The following MAP3K1 variants were observed in gnomAD, a reference collection of about 807,000 sequenced individuals.
The protein encoded by MAP3K1 is MAP/ERK kinase kinase 1.
MAP3K1 carries 36 observed loss-of-function variants against 144.2 expected under a neutral mutation model. The ratio of observed to expected loss-of-function variants is 0.25; its 90% CI spans 0.19 to 0.33. The LOEUF (loss-of-function observed/expected upper bound fraction) is 0.33. MAP3K1 is among the 10% of genes least tolerant of loss of function. The pLI, the probability that MAP3K1 is intolerant of heterozygous loss-of-function variation, is 1.00. For missense variants in MAP3K1, 1,650 were observed against 1,881.9 expected, an observed-to-expected ratio of 0.88 and a Z score of 2.28; for synonymous variants, 718 against 688.7, an observed-to-expected ratio of 1.04 and a Z score of -0.67.
Position 56,815,628 on chromosome 5 carries a change from G to C in MAP3K1, c.55G>C (p.Ala19Pro). The C allele has an allele frequency of 4.5e-6, 6 of 1,323,040 alleles. No individual in the cohort carries two copies. The highest frequency in any genetic ancestry group is 5.8e-6 in the Non-Finnish European group (6 of 1,037,410). The allele number at this position is 1,323,040 out of a possible 1,614,324, so 82.0% of individuals were successfully genotyped here. ...GTCGTCGGGATTCCCGGGCGCCAGGGCTACGAGCCCTGAGGCAGGCGGCGG... is the reference window on the plus strand; with the variant it reads ...GTCGTCGGGATTCCCGGGCGCCAGGCCTACGAGCCCTGAGGCAGGCGGCGG... ...ASSSGFPGAR[A>P]TSPEAGGGGG... Residue 19 changes from alanine to proline, a missense_variant, in exon 1 of 20, where the codon GCT becomes CCT. Physicochemically the swap from Ala to Pro is conservative, Grantham distance 27. Transcript: ENST00000399503.
chr5:56,818,543 A>AT (rs953101818), intron 1 of MAP3K1, among the ~76,000 whole-genome samples: 7 of 152,116 alleles, frequency 4.6e-5, no homozygotes, highest in African/African-American at 1.7e-4. Flanking sequence ...TAAATAGAAG[A>AT]TTTTAAGTTT....
chr5:56,856,857 A>G, intron 2 of MAP3K1, 107 bp downstream of exon 2: 1 of 1,219,342 alleles, frequency 8.2e-7, no homozygotes, highest in African/African-American at 1.5e-5. Flanking sequence ...TTTTAAATGT[A>G]GTAGTTTTCT....
Position 56,816,838 on chromosome 5 carries a change from C to T in MAP3K1, c.482+783C>T, listed in dbSNP as rs542996549. ...GAATGCGAACTGCACTGCTAAGTCA[C>T]TTGAGTGACTTCTGTTTGGAGTTTG... On this transcript the variant is annotated intron_variant, in intron 1 of 19. Coordinates refer to ENST00000399503, the MANE Select transcript of MAP3K1 (RefSeq NM_005921.2). 3.9e-5 allele frequency among the ~76,000 whole-genome samples: 6 copies of T among 152,352 alleles called. No individual in the cohort carries two copies. In the South Asian group the frequency reaches 1.2e-3, roughly 32 times the overall value.
At chr5:56,878,414 A>G (rs1378962896) in intron 10 of MAP3K1, among the ~76,000 whole-genome samples, 3 of 152,192 alleles carry the variant, frequency 2.0e-5, no homozygotes, top group Non-Finnish European at 2.9e-5. Context: ...ACAAACCTGC[A>G]CGTTCTGCAC....
At chr5:56,842,179 A>G (rs897516872) in intron 1 of MAP3K1, 3 of 152,228 alleles carry the variant, frequency 2.0e-5, no homozygotes, top group African/African-American at 7.2e-5. Flanking sequence ...AGCAGTCTTC[A>G]TATTCTAGAT....
chr5:56,883,476 C>T, intron 14 of MAP3K1, 51 bp from the exon 15 acceptor site: 1 of 1,579,822 alleles, frequency 6.3e-7, no homozygotes, highest in Non-Finnish European at 8.7e-7. Context: ...ACTAATTTCA[C>T]AAAATCTTAC....
intron 10 of MAP3K1, among the ~76,000 whole-genome samples, chr5:56,875,670 C>A (rs1288967717): frequency 6.6e-6 from 1 of 152,068 alleles, no homozygotes; most frequent in African/African-American, 2.4e-5. Flanking sequence ...AGACTAAAAA[C>A]CATGGCTTCA....
At chr5:56,844,027 C>T (rs1009930551) in intron 1 of MAP3K1, among the ~76,000 whole-genome samples, 3 of 152,066 alleles carry the variant, frequency 2.0e-5, no homozygotes, top group Non-Finnish European at 4.4e-5. Context: ...ATGCTACATA[C>T]CTTCTTTTTC....
chr5:56,870,130 A>T (rs1747807754), intron 6 of MAP3K1, among the ~76,000 whole-genome samples: 1 of 152,216 alleles, frequency 6.6e-6, no homozygotes, highest in African/African-American at 2.4e-5. Context: ...AGAATTAAAA[A>T]AATTAGAAGT....
intron 6 of MAP3K1, among the ~76,000 whole-genome samples, chr5:56,871,533 C>T (rs1306534438): frequency 3.3e-5 from 5 of 152,050 alleles, no homozygotes; most frequent in South Asian, 2.1e-4. Context: ...CTCTAAGGTC[C>T]GCCAGTACTT....
chr5:56,878,946 G>T (rs1001828080), intron 10 of MAP3K1, 34 bp from the exon 11 acceptor site: 1 of 1,610,016 alleles, frequency 6.2e-7, no homozygotes, highest in Non-Finnish European at 8.5e-7. Context: ...CTTTTTAAGT[G>T]TACATAAACT....
chr5:56,858,728 A>G (rs375165425), intron 2 of MAP3K1, among the ~76,000 whole-genome samples: 3 of 152,216 alleles, frequency 2.0e-5, no homozygotes, highest in East Asian at 3.8e-4. Context: ...CAGAAGAGCA[A>G]TAGGGACTTA....
intron 16 of MAP3K1, among the ~76,000 whole-genome samples, chr5:56,885,656 G>T (rs1346760361): frequency 6.6e-6 from 1 of 152,122 alleles, no homozygotes; most frequent in Non-Finnish European, 1.5e-5. Flanking sequence ...GAATTGAATT[G>T]TACATTTCAG....
chr5:56,881,483 A>G (rs1748204558), intron 13 of MAP3K1, 87 bp from the exon 14 acceptor site: 4 of 1,122,906 alleles, frequency 3.6e-6, no homozygotes, highest in Non-Finnish European at 4.0e-6. Flanking sequence ...TGAAGTATAC[A>G]TGCTGTAAAT....
chr5:56,871,916 G>A lies in MAP3K1; in HGVS notation c.1308G>A (p.Lys436=). The change falls in exon 7 of 20, where the codon AAG becomes AAA. Residue 436 remains lysine, a synonymous_variant. Transcript: ENST00000399503. The part of the protein sequence containing the change: ...TSTSSSENSI[K]DEEEQMCPIC... The stretch of plus-strand genomic sequence containing the variant: ...TTCTTCCCCTTTTCTATAGCATAAA[G>A]GATGAAGAGGAACAGATGTGTCCTA... The A allele has an allele frequency of 6.2e-7, 1 of 1,613,698 alleles. No homozygotes were observed. Among genetic ancestry groups the A allele is most frequent in the South Asian group, 1.1e-5 (1 of 91,068 alleles).
chr5:56,856,096 C>G (rs1253846457), intron 1 of MAP3K1, among the ~76,000 whole-genome samples: 2 of 152,054 alleles, frequency 1.3e-5, no homozygotes, highest in Non-Finnish European at 2.9e-5. Flanking sequence ...AGTCACTGTT[C>G]TATGAAAATA....
intron 1 of MAP3K1, among the ~76,000 whole-genome samples, chr5:56,847,856 T>A (rs1223841100): frequency 6.6e-6 from 1 of 152,226 alleles, no homozygotes; most frequent in Non-Finnish European, 1.5e-5. Context: ...TCCAGTGGTG[T>A]CTGAAATTTA....
chr5:56,834,242 A>G (rs774588421), intron 1 of MAP3K1, among the ~76,000 whole-genome samples: 1 of 152,144 alleles, frequency 6.6e-6, no homozygotes, highest in Non-Finnish European at 1.5e-5. Context: ...ATACTTTCCT[A>G]TGTGTATGTA....
At chr5:56,820,397 G>T (rs1044843826) in intron 1 of MAP3K1, 1 of 980,370 alleles carries the variant, frequency 1.0e-6, no homozygotes. Flanking sequence ...TTATTTTTAA[G>T]GAGAAATTTG....
Sources: gnomAD v4.1 joint callset for allele counts (sites outside exome capture counted in the v4.1 genomes callset) on GRCh38, gnomAD v4.1.1 for gene constraint, MANE v1.5 for transcripts, NCBI Gene and HGNC (gene_info 2026-07-23, HGNC 2026-07-21) for gene names.